The following AASS variants were observed in gnomAD, a reference collection of about 807,000 sequenced individuals.
AASS encodes aminoadipate-semialdehyde synthase, also known as alpha-aminoadipic semialdehyde synthase, mitochondrial.
A neutral mutation model predicts 105.4 loss-of-function variants in AASS; 86 were observed. The observed-to-expected ratio is 0.82, with a 90% CI of 0.69 to 0.98. The LOEUF (loss-of-function observed/expected upper bound fraction) is 0.98. Ranked by LOEUF, AASS falls within the 50% of genes least tolerant of loss-of-function variation. AASS has a pLI of 0.00. For missense variants in AASS, 1,048 were observed against 1,143.2 expected (o/e 0.92, Z 1.20); for synonymous variants, 381 against 394.8 (o/e 0.96, Z 0.41).
At position 122,089,374 on chromosome 7, in the gene AASS, T is replaced by C. The variant is rs2268074; in HGVS notation, c.2016+2329A>G. ...CTTCATCCACAAGAGGAAACGCAGG[T>C]GGGACCTTGAAAAAAGTATCATTTT... On this transcript the variant is annotated intron_variant, in intron 18 of 23. Coordinates refer to ENST00000417368, the MANE Select transcript of AASS (RefSeq NM_005763.4). 4.4e-3 allele frequency among the ~76,000 whole-genome samples: 670 copies of C among 152,222 alleles called. 20 individuals carry two copies. In the East Asian group the frequency reaches 0.086, roughly 20 times the overall value.
intron 1 of AASS, among the ~76,000 whole-genome samples, chr7:122,140,695 A>G (rs1796353631): frequency 6.6e-6 from 1 of 151,890 alleles, no homozygotes; most frequent in Admixed American, 6.6e-5. Flanking sequence ...TAATTCAATG[A>G]CTCAAACCAA....
intron 18 of AASS, among the ~76,000 whole-genome samples, chr7:122,086,500 A>G (rs1425665947): frequency 1.3e-5 from 2 of 151,664 alleles, no homozygotes; most frequent in African/African-American, 2.4e-5. Context: ...TAAAAAATAT[A>G]AACATTTAGA....
chr7:122,109,998 G>T (rs1405227277), intron 11 of AASS, among the ~76,000 whole-genome samples: 2 of 151,936 alleles, frequency 1.3e-5, no homozygotes, highest in Non-Finnish European at 2.9e-5. Context: ...TGTACTCAAA[G>T]TAAATCTAAT....
chr7:122,141,356 A>G (rs1248865119), intron 1 of AASS, among the ~76,000 whole-genome samples: 1 of 152,130 alleles, frequency 6.6e-6, no homozygotes, highest in Non-Finnish European at 1.5e-5. Context: ...CTAGCTTATA[A>G]TTTTAGCTTC....
chr7:122,102,266 G>A (rs554220302), intron 11 of AASS, among the ~76,000 whole-genome samples: 2 of 151,886 alleles, frequency 1.3e-5, no homozygotes, highest in East Asian at 3.9e-4. Flanking sequence ...GCAAAATTGA[G>A]TCAGAGACAA....
chr7:122,118,526 T>C, intron 5 of AASS, 37 bp downstream of exon 5: 1 of 1,614,068 alleles, frequency 6.2e-7, no homozygotes, highest in Non-Finnish European at 8.5e-7. Context: ...GTGTGAGATG[T>C]GTTTTCAAAA....
intron 11 of AASS, among the ~76,000 whole-genome samples, chr7:122,110,476 ACTTACC>A (rs1411747403): frequency 6.6e-6 from 1 of 151,942 alleles, no homozygotes; most frequent in East Asian, 1.9e-4. Flanking sequence ...TAATTTTAAA[ACTTACC>A]CTTAAAACTA....
chr7:122,089,492 AGAG>A (rs777653432), intron 18 of AASS, among the ~76,000 whole-genome samples: 2 of 152,336 alleles, frequency 1.3e-5, no homozygotes, highest in African/African-American at 2.4e-5. Flanking sequence ...TTAGGATGAA[AGAG>A]GAGAACTTCG....
At chr7:122,141,534 G>A (rs1261083034) in intron 1 of AASS, among the ~76,000 whole-genome samples, 2 of 151,270 alleles carry the variant, frequency 1.3e-5, no homozygotes, top group East Asian at 3.9e-4. Flanking sequence ...TTTTAAGAAA[G>A]AATGAATAAA....
At chr7:122,140,485 C>CAAAAAAACAAAAAAAA (rs1796336940) in intron 1 of AASS, among the ~76,000 whole-genome samples, 1 of 37,328 alleles carries the variant, frequency 2.7e-5, no homozygotes, top group Non-Finnish European at 4.7e-5. Flanking sequence ...GACTCAGTCT[C>CAAAAAAACAAAAAAAA]AAAAAAAAAA....
chr7:122,115,339 T>G, intron 8 of AASS, 117 bp from the exon 9 acceptor site: 1 of 1,339,096 alleles, frequency 7.5e-7, no homozygotes, highest in Non-Finnish European at 1.0e-6. Context: ...TTCTAATTGA[T>G]TTTCTTATTG....
chr7:122,135,188 G>A (rs1368217929), intron 1 of AASS, among the ~76,000 whole-genome samples: 18 of 151,742 alleles, frequency 1.2e-4, no homozygotes, highest in Non-Finnish European at 2.4e-4. Context: ...ACGAGTTAAC[G>A]GGTGCAGCAC....
At position 122,098,841 on chromosome 7, in the gene AASS, C is replaced by G. The variant is rs745562313; in HGVS notation, c.1432G>C (p.Gly478Arg). Residue 478 changes from glycine to arginine, a missense_variant, in exon 14 of 24, where the codon GGC becomes CGC. Coordinates refer to ENST00000417368, the MANE Select transcript of AASS (RefSeq NM_005763.4). Reference sequence around the variant, plus strand: ...AGAACCAAAACCTTTCTCCTGGTGCCCATTGAAAGTGACTGAGCACGTTCC... The same window carrying G: ...AGAACCAAAACCTTTCTCCTGGTGCGCATTGAAAGTGACTGAGCACGTTCC... ...SRERAQSLSM[G>R]TRRKVLVLGS... is the part of the protein sequence containing the mutation. 2 of 1,594,450 alleles carry G rather than the reference C, an allele frequency of 1.3e-6. No homozygotes were observed. The highest frequency in any genetic ancestry group is 1.1e-5 in the South Asian group (1 of 88,572).
At chr7:122,127,147 T>C (rs1172137558) in intron 3 of AASS, among the ~76,000 whole-genome samples, 1 of 152,152 alleles carries the variant, frequency 6.6e-6, no homozygotes, top group Non-Finnish European at 1.5e-5. Flanking sequence ...TAGCTCAAGA[T>C]AAAACCTGGA....
intron 19 of AASS, 132 bp downstream of exon 19, chr7:122,085,880 A>T: frequency 2.0e-6 from 2 of 990,442 alleles, no homozygotes; most frequent in Admixed American, 2.0e-5. Context: ...TCAATCAATC[A>T]TAAGATTCCT....
rs1163839287 is a variant in AASS, at chr7:122,118,374, A to G, written c.620T>C (p.Leu207Ser). The G allele has an allele frequency of 6.2e-7, 1 of 1,614,180 alleles. No individual in the cohort carries two copies. The highest frequency in any genetic ancestry group is 1.7e-5 in the Admixed American group (1 of 60,022). The stretch of plus-strand genomic sequence containing the variant: ...TCCTATTGACTTAGGCATCAAACCC[A>G]AAGATATTTCATAGCCAGCATCACG... ...AVRDAGYEIS[L>S]GLMPKSIGPL... Residue 207 changes from leucine (L) to serine (S), a missense_variant, in exon 6 of 24, where the codon TTG (leucine) becomes TCG (serine). Leu to Ser is a moderately radical substitution (Grantham distance 145). Coordinates refer to ENST00000417368, the MANE Select transcript of AASS (RefSeq NM_005763.4).
chr7:122,078,144 A>C (rs994047002), intron 22 of AASS, 130 bp from the exon 23 acceptor site: 2 of 884,922 alleles, frequency 2.3e-6, no homozygotes, highest in Admixed American at 1.9e-5. Flanking sequence ...ACAATTATTT[A>C]CACAGCTTTT....
At chr7:122,118,913 C>A (rs547351066) in intron 4 of AASS, among the ~76,000 whole-genome samples, 22 of 152,292 alleles carry the variant, frequency 1.4e-4, no homozygotes, top group Middle Eastern at 6.8e-3. Context: ...GGCTCCGGAT[C>A]CCATCCCTTC....
At chr7:122,077,610 C>T (rs939726108) in intron 23 of AASS, among the ~76,000 whole-genome samples, 2 of 152,216 alleles carry the variant, frequency 1.3e-5, no homozygotes, top group Non-Finnish European at 2.9e-5. Flanking sequence ...GCCCATCACT[C>T]AGCCACCTTG....
Sources: allele counts gnomAD v4.1 joint callset (sites outside exome capture counted in the v4.1 genomes callset), GRCh38; gene constraint gnomAD v4.1.1; transcripts MANE v1.5; gene names NCBI Gene and HGNC (gene_info 2026-07-23, HGNC 2026-07-21).